POLK: variants seen among roughly 807,000 people sequenced by gnomAD.
POLK encodes the protein polymerase (DNA directed) kappa.
In POLK, 76 loss-of-function variants were observed where a neutral mutation model predicts 94.0. The observed-to-expected ratio is 0.81, with a 90% CI of 0.67 to 0.98. The LOEUF is 0.98. Among genes scored for constraint, POLK ranks in the 50% least tolerant of loss-of-function variants. The pLI is 0.00. For synonymous variants in POLK, 349 were observed against 325.4 expected (o/e 1.07, Z -0.78); for missense variants, 954 against 1,010.1 (o/e 0.94, Z 0.75).
At chr5:75,527,515 A>G (rs891632067) in intron 1 of POLK, among the ~76,000 whole-genome samples, 314 of 148,896 alleles carry the variant, frequency 2.1e-3, no homozygotes, top group Non-Finnish European at 3.3e-3. Context: ...ACACACACAC[A>G]CACACACACA....
intron 3 of POLK, among the ~76,000 whole-genome samples, chr5:75,564,836 G>A (rs1382691818): frequency 1.3e-5 from 2 of 152,090 alleles, no homozygotes; most frequent in African/African-American, 4.8e-5. Flanking sequence ...TTTCAACCTT[G>A]GTGAATCTGA....
intron 1 of POLK, among the ~76,000 whole-genome samples, chr5:75,519,496 A>G (rs1052063710): frequency 6.6e-6 from 1 of 152,144 alleles, no homozygotes; most frequent in Admixed American, 6.5e-5. Context: ...TCCTACTATT[A>G]TTATATTGCA....
chr5:75,524,404 G>T (rs1247683653), intron 1 of POLK, among the ~76,000 whole-genome samples: 1 of 152,134 alleles, frequency 6.6e-6, no homozygotes, highest in Non-Finnish European at 1.5e-5. Flanking sequence ...TTAATTGGCT[G>T]CTCTCCTCTC....
At chr5:75,549,956 C>T (rs943612191) in intron 2 of POLK, among the ~76,000 whole-genome samples, 1 of 151,916 alleles carries the variant, frequency 6.6e-6, no homozygotes, top group Non-Finnish European at 1.5e-5. Context: ...TCTAAATAGA[C>T]CTATATAATA....
intron 1 of POLK, among the ~76,000 whole-genome samples, chr5:75,531,293 G>GTA (rs1170856437): frequency 2.1e-5 from 3 of 146,034 alleles, no homozygotes; most frequent in South Asian, 4.2e-4. Flanking sequence ...TATATACTAT[G>GTA]TATAAACAAT....
chr5:75,603,578 A>G (rs1453863302), downstream of POLK, among the ~76,000 whole-genome samples: 1 of 152,148 alleles, frequency 6.6e-6, no homozygotes, highest in Non-Finnish European at 1.5e-5. Context: ...ATGTGATGTC[A>G]GCCAGTTCAC....
the POLK span, chr5:75,609,279 T>C: frequency 1.3e-5 from 2 of 152,186 alleles, no homozygotes; most frequent in Admixed American, 1.3e-4. Context: ...AAATTTTTTT[T>C]TTGAGATAGG....
intron 3 of POLK, among the ~76,000 whole-genome samples, chr5:75,564,526 A>G (rs1438580009): frequency 6.6e-6 from 1 of 152,142 alleles, no homozygotes; most frequent in Non-Finnish European, 1.5e-5. Flanking sequence ...AGTGCCTGGT[A>G]CCGGTTTTTC....
At chr5:75,605,333 T>G (rs890709428), downstream of POLK, among the ~76,000 whole-genome samples, 1 of 152,212 alleles carries the variant, frequency 6.6e-6, no homozygotes. Context: ...ATCTTGTGCA[T>G]TTTTGTAGAC....
chr5:75,541,063 T>C (rs116834221), intron 1 of POLK, among the ~76,000 whole-genome samples: 12,330 of 152,106 alleles, frequency 0.081, 590 homozygotes, highest in South Asian at 0.17. Context: ...GCGGGCAGAT[T>C]ACCTGAGGTC....
chr5:75,577,603 C>T (rs1396898153), intron 6 of POLK, among the ~76,000 whole-genome samples: 1 of 152,130 alleles, frequency 6.6e-6, no homozygotes, highest in African/African-American at 2.4e-5. Context: ...ACAAAGTTCA[C>T]CTGGATGAAA....
intron 1 of POLK, among the ~76,000 whole-genome samples, chr5:75,544,390 T>G (rs1156273503): frequency 1.3e-5 from 2 of 152,122 alleles, no homozygotes; most frequent in Non-Finnish European, 2.9e-5. Context: ...CTCAGGCCTG[T>G]AATCTCAGCT....
chr5:75,552,660 A>C (rs1770392077), intron 3 of POLK, 69 bp downstream of exon 3: 1 of 1,367,454 alleles, frequency 7.3e-7, no homozygotes, highest in African/African-American at 1.5e-5. Context: ...ATGTATTGTC[A>C]AGTCATAACT....
the POLK span, among the ~76,000 whole-genome samples, chr5:75,608,502 G>A: frequency 6.6e-6 from 1 of 152,108 alleles, no homozygotes; most frequent in African/African-American, 2.4e-5. Flanking sequence ...GCCCAACAAA[G>A]TTTTAAAAAT....
chr5:75,551,716 AC>A (rs1322279256), intron 2 of POLK, among the ~76,000 whole-genome samples: 1 of 152,232 alleles, frequency 6.6e-6, no homozygotes, highest in African/African-American at 2.4e-5. Context: ...AGACACAGTA[AC>A]AAATGTTGGC....
chr5:75,573,858 G>A, exon 5 of POLK: 1 of 1,613,312 alleles, frequency 6.2e-7, no homozygotes, highest in South Asian at 1.1e-5. Flanking sequence ...ATACCGAGCT[G>A]TGAGTAAAGA....
intron 1 of POLK, among the ~76,000 whole-genome samples, chr5:75,517,399 T>A (rs1352651269): frequency 6.6e-6 from 1 of 152,184 alleles, no homozygotes; most frequent in Non-Finnish European, 1.5e-5. Context: ...CTATTGTAAA[T>A]GTTATGCTCT....
chr5:75,581,268 C>T (rs934980261), exon 7 of POLK: 1 of 1,609,036 alleles, frequency 6.2e-7, no homozygotes, highest in Non-Finnish European at 8.5e-7. Context: ...CTCTCCACTA[C>T]TTTTTGAAGA....
intron 2 of POLK, among the ~76,000 whole-genome samples, chr5:75,549,818 A>G (rs919436857): frequency 6.6e-6 from 1 of 152,124 alleles, no homozygotes; most frequent in Non-Finnish European, 1.5e-5. Context: ...TTGCAAATAT[A>G]GTTATCTATC....
Sources: allele counts gnomAD v4.1 joint callset (sites outside exome capture counted in the v4.1 genomes callset), GRCh38; gene constraint gnomAD v4.1.1; transcripts MANE v1.5; gene names NCBI Gene and HGNC (gene_info 2026-07-23, HGNC 2026-07-21).